The following CACNA2D3 variants were observed in gnomAD, a reference collection of about 807,000 sequenced individuals.
CACNA2D3 encodes voltage-dependent calcium channel subunit alpha-2/delta-3.
Under a neutral mutation model 160.6 loss-of-function variants are expected in CACNA2D3, and 60 were observed. The ratio of observed to expected loss-of-function variants is 0.37; its 90% confidence interval spans 0.30 to 0.46. The LOEUF is 0.46. Ranked by LOEUF, CACNA2D3 falls within the 20% of genes least tolerant of loss-of-function variation. The pLI is 1.00. For missense variants in CACNA2D3, 1,205 were observed against 1,365.0 expected, an observed-to-expected ratio of 0.88 and a Z score of 1.85; for synonymous variants, 558 against 492.9, an observed-to-expected ratio of 1.13 and a Z score of -1.75.
At chr3:54,893,740 G>A (rs917787741) in intron 25 of CACNA2D3, among the ~76,000 whole-genome samples, 2 of 151,882 alleles carry the variant, frequency 1.3e-5, no homozygotes, top group African/African-American at 4.8e-5. Context: ...GCATTTGGAA[G>A]TAGGTCGATT....
At chr3:54,197,241 G>A (rs1379108596) in intron 2 of CACNA2D3, 1 of 152,102 alleles carries the variant, frequency 6.6e-6, no homozygotes, top group African/African-American at 2.4e-5. Context: ...AGCTCTTCAA[G>A]CAGAAAAGCA....
At chr3:54,731,664 A>G (rs1701389241) in intron 11 of CACNA2D3, among the ~76,000 whole-genome samples, 2 of 152,140 alleles carry the variant, frequency 1.3e-5, no homozygotes, top group South Asian at 4.2e-4. Flanking sequence ...TTACTGGGGC[A>G]GAGTAACCCT....
chr3:54,580,911 T>C (rs1005131097), intron 8 of CACNA2D3, among the ~76,000 whole-genome samples: 2 of 152,044 alleles, frequency 1.3e-5, no homozygotes, highest in African/African-American at 4.8e-5. Flanking sequence ...TTGGAGGGAC[T>C]GAAGGAAAAG....
chr3:54,897,281 T>A (rs748288401), intron 26 of CACNA2D3, among the ~76,000 whole-genome samples: 1 of 152,188 alleles, frequency 6.6e-6, no homozygotes, highest in Non-Finnish European at 1.5e-5. Flanking sequence ...TAAACTGATA[T>A]GCCGGACTAA....
intron 35 of CACNA2D3, among the ~76,000 whole-genome samples, chr3:55,019,788 C>G (rs564003641): frequency 6.6e-6 from 1 of 152,086 alleles, no homozygotes; most frequent in East Asian, 1.9e-4. Context: ...TAAATAAAAG[C>G]GATGAGATTA....
chr3:54,815,599 T>A (rs966256957), intron 13 of CACNA2D3, among the ~76,000 whole-genome samples: 3 of 152,218 alleles, frequency 2.0e-5, no homozygotes, highest in Admixed American at 1.3e-4. Context: ...CTGTCACAAT[T>A]CCCAAGTGTT....
intron 4 of CACNA2D3, among the ~76,000 whole-genome samples, chr3:54,461,076 A>G (rs568249642): frequency 6.6e-6 from 1 of 151,966 alleles, no homozygotes; most frequent in Non-Finnish European, 1.5e-5. Flanking sequence ...GCTGGATTAC[A>G]TTTATTGATT....
chr3:54,179,861 C>T (rs182071040), intron 2 of CACNA2D3, among the ~76,000 whole-genome samples: 4 of 152,192 alleles, frequency 2.6e-5, no homozygotes, highest in Admixed American at 1.3e-4. Context: ...AGAACTGAGA[C>T]GTGTATGTCT....
chr3:54,701,895 C>G (rs79802222), intron 11 of CACNA2D3, among the ~76,000 whole-genome samples: 6 of 152,092 alleles, frequency 3.9e-5, no homozygotes. Flanking sequence ...CAGCATGGTA[C>G]TGGTACAAAA....
intron 2 of CACNA2D3, among the ~76,000 whole-genome samples, chr3:54,212,852 C>T (rs1701399464): frequency 6.6e-6 from 1 of 152,120 alleles, no homozygotes; most frequent in South Asian, 2.1e-4. Flanking sequence ...TCAGTTTCCT[C>T]AAGTGTGAAC....
At chr3:54,364,604 A>G (rs533163831) in intron 3 of CACNA2D3, among the ~76,000 whole-genome samples, 1 of 152,342 alleles carries the variant, frequency 6.6e-6, no homozygotes, top group South Asian at 2.1e-4. Context: ...ACAAAAAAGG[A>G]TGGCAAATGG....
At chr3:54,947,744 C>T (rs563772722) in intron 27 of CACNA2D3, among the ~76,000 whole-genome samples, 62 of 152,182 alleles carry the variant, frequency 4.1e-4, no homozygotes, top group African/African-American at 1.5e-3. Flanking sequence ...CTATGTATTC[C>T]AAATATGAAG....
intron 2 of CACNA2D3, among the ~76,000 whole-genome samples, chr3:54,254,465 T>G (rs1312747534): frequency 6.6e-6 from 1 of 152,230 alleles, no homozygotes; most frequent in Non-Finnish European, 1.5e-5. Flanking sequence ...ATCCACCAAA[T>G]GCAATCTTCC....
intron 2 of CACNA2D3, among the ~76,000 whole-genome samples, chr3:54,184,377 C>G (rs943839726): frequency 6.6e-5 from 10 of 152,338 alleles, no homozygotes; most frequent in Non-Finnish European, 1.0e-4. Context: ...GCCTTAAGCC[C>G]TCCCCCATCC....
At chr3:54,731,105 G>A (rs2107013363) in intron 11 of CACNA2D3, among the ~76,000 whole-genome samples, 1 of 152,312 alleles carries the variant, frequency 6.6e-6, no homozygotes, top group South Asian at 2.1e-4. Flanking sequence ...GGGTCAGTTA[G>A]TGATTGAGTA....
intron 2 of CACNA2D3, among the ~76,000 whole-genome samples, chr3:54,311,448 C>A (rs1703741596): frequency 6.6e-6 from 1 of 152,240 alleles, no homozygotes; most frequent in Non-Finnish European, 1.5e-5. Context: ...GCTGCATAGG[C>A]ATCCCCTTTT....
rs778167942 is a variant in CACNA2D3 at position 55,011,310 on chromosome 3, A to G, written c.2875+1867A>G. Among the ~76,000 whole-genome samples the G allele has an allele frequency of 2.6e-5, 4 of 152,104 alleles. No homozygotes were observed. The South Asian group carries it at 8.3e-4, about 32-fold the overall frequency. ...TGGTGACCCCCAGGACTGGGACCCA[A>G]TTTTGCTCCTCCCTGCTGGGTTGAG... On this transcript the variant is annotated intron_variant, in intron 34 of 37. Transcript: ENST00000474759.
chr3:54,288,947 A>T (rs1026849917), intron 2 of CACNA2D3, among the ~76,000 whole-genome samples: 8 of 152,176 alleles, frequency 5.3e-5, no homozygotes, highest in Non-Finnish European at 8.8e-5. Flanking sequence ...TCTATGACAA[A>T]CCCACAGCCA....
At chr3:54,229,593 C>G (rs574205871) in intron 2 of CACNA2D3, among the ~76,000 whole-genome samples, 3 of 152,292 alleles carry the variant, frequency 2.0e-5, no homozygotes, top group African/African-American at 4.8e-5. Flanking sequence ...CCTCGGCCTC[C>G]GAAAGCGCTG....
Sources: gnomAD v4.1 joint callset for allele counts (sites outside exome capture counted in the v4.1 genomes callset) on GRCh38, gnomAD v4.1.1 for gene constraint, MANE v1.5 for transcripts, NCBI Gene and HGNC (gene_info 2026-07-23, HGNC 2026-07-21) for gene names.